The following S100B variants were observed in gnomAD, a reference collection of about 807,000 sequenced individuals.
S100B encodes S100 calcium binding protein B, also known as protein S100-B.
Under a neutral mutation model 7.7 loss-of-function variants are expected in S100B, and 6 were observed. The observed-to-expected ratio is 0.78, with a 90% CI of 0.43 to 1.54. The LOEUF (loss-of-function observed/expected upper bound fraction) is 1.54. Ranked by LOEUF, S100B falls within the 40% of genes most tolerant of loss-of-function variation. The pLI, the probability that S100B is intolerant of heterozygous loss-of-function variation, is 0.01. For missense variants in S100B, 99 were observed against 111.8 expected, an observed-to-expected ratio of 0.89 and a Z score of 0.52; for synonymous variants, 36 against 40.4, an observed-to-expected ratio of 0.89 and a Z score of 0.41.
At chr21:46,603,448 T>TA (rs1240531559) in intron 1 of S100B, among the ~76,000 whole-genome samples, 1 of 144,412 alleles carries the variant, frequency 6.9e-6, no homozygotes, top group African/African-American at 2.5e-5. Flanking sequence ...AGAGCCCCCC[T>TA]ACCTCCCTCA....
chr21:46,599,231 A>G lies in S100B; in HGVS notation c.*132T>C, dbSNP rs751272665. The G allele has an allele frequency of 1.7e-4, 142 of 840,584 alleles. No homozygotes were observed. Among genetic ancestry groups the G allele is most frequent in the Admixed American group, 1.2e-4 (5 of 42,168 alleles). 52.1% of individuals were successfully genotyped at this position (840,584 alleles called of 1,614,324 possible). On this transcript the variant is annotated 3_prime_UTR_variant, in exon 3 of 3. Coordinates refer to ENST00000291700, the MANE Select transcript of S100B (RefSeq NM_006272.3). ...AAGAGGTTTTCAATTTTTCAATCAC[A>G]AAGCAAATCAAGCTTCCTAATTAGC...
At chr21:46,603,441 GC>G (rs937571681) in intron 1 of S100B, among the ~76,000 whole-genome samples, 23 of 147,710 alleles carry the variant, frequency 1.6e-4, no homozygotes, top group Admixed American at 3.4e-4. Flanking sequence ...CAAAGTAAGA[GC>G]CCCCCTACCT....
intron 2 of S100B, among the ~76,000 whole-genome samples, chr21:46,600,005 C>T (rs190275485): frequency 6.6e-6 from 1 of 152,148 alleles, no homozygotes; most frequent in Non-Finnish European, 1.5e-5. Flanking sequence ...GAATTGCTTT[C>T]TAGGTGTCAT....
At chr21:46,602,226 T>C in intron 2 of S100B, 52 bp downstream of exon 2, 2 of 1,532,070 alleles carry the variant, frequency 1.3e-6, no homozygotes, top group African/African-American at 1.4e-5. Flanking sequence ...AGTGTACAGA[T>C]GGATTTTAAG....
At chr21:46,602,558 G>T in intron 1 of S100B, 142 bp from the exon 2 acceptor site, 1 of 757,216 alleles carries the variant, frequency 1.3e-6, no homozygotes, top group Non-Finnish European at 2.0e-6. Flanking sequence ...AGCAGGCATG[G>T]CCTGGAGGGG....
At chr21:46,603,392 A>AGGGGGGGGCGGGGTGG (rs1555923741) in intron 1 of S100B, among the ~76,000 whole-genome samples, 1 of 38,206 alleles carries the variant, frequency 2.6e-5, no homozygotes, top group African/African-American at 1.0e-4. Context: ...GGACGGCGGG[A>AGGGGGGGGCGGGGTGG]GGGGGTGGGG....
At chr21:46,602,465 A>T in intron 1 of S100B, 49 bp from the exon 2 acceptor site, 1 of 1,576,014 alleles carries the variant, frequency 6.3e-7, no homozygotes, top group Non-Finnish European at 8.6e-7. Context: ...CCTCATCCTA[A>T]AACATTTCAT....
intron 2 of S100B, among the ~76,000 whole-genome samples, chr21:46,601,441 C>G (rs1358071771): frequency 6.6e-6 from 1 of 152,136 alleles, no homozygotes; most frequent in Non-Finnish European, 1.5e-5. Flanking sequence ...CATCAGGTAC[C>G]AGGGGGATCA....
At chr21:46,603,351 C>T (rs1043486067) in intron 1 of S100B, among the ~76,000 whole-genome samples, 5 of 63,652 alleles carry the variant, frequency 7.9e-5, no homozygotes, top group Non-Finnish European at 1.6e-4. Flanking sequence ...TCCAGTGTAC[C>T]GAAAGGGTGG....
intron 1 of S100B, among the ~76,000 whole-genome samples, 191 bp downstream of exon 1, chr21:46,604,822 G>A (rs1355983205): frequency 1.3e-5 from 2 of 152,218 alleles, no homozygotes; most frequent in East Asian, 3.8e-4. Context: ...GGCTGATGCA[G>A]TCAGGTGTCC....
chr21:46,599,428 G>A lies in S100B; in HGVS notation c.214C>T (p.Gln72Ter). Residue 72 changes from glutamine (Q) to a stop codon, truncating the protein, a stop_gained, in exon 3 of 3, where the codon CAG becomes TAG. Transcript: ENST00000291700. LOFTEE classifies it high-confidence loss of function. ...ATGGCAACAAAGGCCATGAATTCCT[G>A]GAAGTCACATTCGCCGTCTCCATCA... ...DNDGDGECDF[Q>*]EFMAFVAMVT... 6.2e-7 allele frequency: 1 copy of A among 1,613,818 alleles called. No individual in the cohort carries two copies. The highest frequency in any genetic ancestry group is 8.5e-7 in the Non-Finnish European group (1 of 1,179,734).
rs1188785731 is a variant in S100B, at chr21:46,598,863, G to A, written c.*500C>T. ...GTGATCAGGCGCATCCCGGGAAGCA[G>A]GCCGAAGCCACCACGCCCTTGCAGG... On this transcript the variant is annotated 3_prime_UTR_variant, in exon 3 of 3. Transcript: ENST00000291700. 1.3e-5 allele frequency: 2 copies of A among 153,918 alleles called. No homozygotes were observed. The highest frequency in any genetic ancestry group is 4.8e-5 in the African/African-American group (2 of 41,486). The allele number at this position is 153,918 out of a possible 1,614,324, so 9.5% of individuals were successfully genotyped here. A position where few individuals can be genotyped will look rare whatever the true frequency, so the allele number is the denominator to read the frequency against.
At chr21:46,602,586 C>T in intron 1 of S100B, 170 bp from the exon 2 acceptor site, 1 of 617,470 alleles carries the variant, frequency 1.6e-6, no homozygotes. Flanking sequence ...GGAATTTGCA[C>T]TTTTATCATA....
rs566699626 is a variant in S100B, at chr21:46,604,759, A to G, written c.-2+254T>C. Among the ~76,000 whole-genome samples the G allele has an allele frequency of 3.3e-5, 5 of 152,340 alleles. No homozygotes were observed. In the East Asian group the frequency reaches 9.6e-4, roughly 29 times the overall value. ...AAATGTCAACAATCACTTCTGGGCC[A>G]TGAAACCTGACGTTTCTCTGATTTA... On this transcript the variant is annotated intron_variant, in intron 1 of 2. Transcript: ENST00000291700.
At chr21:46,602,948 A>C (rs2061045787) in intron 1 of S100B, 1 of 153,226 alleles carries the variant, frequency 6.5e-6, no homozygotes, top group African/African-American at 2.4e-5. Context: ...AAAGAAGTAG[A>C]AAATACAGTG....
At chr21:46,601,116 G>T (rs1282576113) in intron 2 of S100B, among the ~76,000 whole-genome samples, 3 of 152,132 alleles carry the variant, frequency 2.0e-5, no homozygotes, top group South Asian at 4.1e-4. Context: ...ACCAGCCAGC[G>T]CCCCCTCCCC....
Position 46,602,252 on chromosome 21 carries a change from T to C in S100B, c.138+26A>G, listed in dbSNP as rs779383856. 5 of 1,600,832 alleles carry C rather than the reference T, an allele frequency of 3.1e-6. No homozygotes were observed. The Middle Eastern group carries it at 6.7e-4, about 214-fold the overall frequency. ...GGATTTTAAGAGGAGATGGAGAAAG[T>C]GTCAAGTTTAAAAAGCAAGACTCAC... On this transcript the variant is annotated intron_variant, in intron 2 of 2. Coordinates refer to ENST00000291700, the MANE Select transcript of S100B (RefSeq NM_006272.3).
At chr21:46,602,216 A>T in intron 2 of S100B, 62 bp downstream of exon 2, 2 of 1,440,352 alleles carry the variant, frequency 1.4e-6, no homozygotes, top group East Asian at 4.6e-5. Context: ...AGATAAAGCC[A>T]GTGTACAGAT....
Position 46,599,056 on chromosome 21 carries a change from A to G in S100B, c.*307T>C, listed in dbSNP as rs916639809. On this transcript the variant is annotated 3_prime_UTR_variant, in exon 3 of 3. Coordinates refer to ENST00000291700, the MANE Select transcript of S100B (RefSeq NM_006272.3). ...CAGGGTTCCCTCCGGGTTAGGGTCTACACGGCCATGGCGGGCTGCACGGTG... is the reference window on the plus strand; with the variant it reads ...CAGGGTTCCCTCCGGGTTAGGGTCTGCACGGCCATGGCGGGCTGCACGGTG... 5.9e-6 allele frequency: 2 copies of G among 337,180 alleles called. No individual in the cohort carries two copies. The highest frequency in any genetic ancestry group is 1.1e-5 in the Non-Finnish European group (2 of 188,412). 20.9% of individuals were successfully genotyped at this position (337,180 alleles called of 1,614,324 possible).
Sources: gnomAD v4.1 joint callset for allele counts (sites outside exome capture counted in the v4.1 genomes callset) on GRCh38, gnomAD v4.1.1 for gene constraint, MANE v1.5 for transcripts, NCBI Gene and HGNC (gene_info 2026-07-23, HGNC 2026-07-21) for gene names.